The following DOK6 variants were observed in gnomAD, a reference collection of about 807,000 sequenced individuals.
DOK6 encodes the protein downstream of tyrosine kinase 6.
DOK6 carries 22 observed loss-of-function variants against 44.0 expected under a neutral mutation model. The observed-to-expected ratio is 0.50, with a 90% CI of 0.36 to 0.71. The LOEUF is 0.71. Among genes scored for constraint, DOK6 ranks in the 30% least tolerant of loss-of-function variants. The pLI, the probability that DOK6 is intolerant of heterozygous loss-of-function variation, is 0.00. For synonymous variants in DOK6, 166 were observed against 145.5 expected, an observed-to-expected ratio of 1.14 and a Z score of -1.01; for missense variants, 340 against 416.4, an observed-to-expected ratio of 0.82 and a Z score of 1.60.
At chr18:69,810,518 G>T (rs1354485653) in intron 7 of DOK6, among the ~76,000 whole-genome samples, 1 of 151,984 alleles carries the variant, frequency 6.6e-6, no homozygotes, top group South Asian at 2.1e-4. Flanking sequence ...ACAATCAACA[G>T]TGTGGAGAGA....
chr18:69,821,585 G>A (rs1422646945), intron 7 of DOK6, among the ~76,000 whole-genome samples: 1 of 152,044 alleles, frequency 6.6e-6, no homozygotes, highest in Non-Finnish European at 1.5e-5. Flanking sequence ...GCAAATCTTT[G>A]AGAACAATTT....
At chr18:69,425,820 G>T in intron 1 of DOK6, among the ~76,000 whole-genome samples, 1 of 151,866 alleles carries the variant, frequency 6.6e-6, no homozygotes. Context: ...TCTGTATATT[G>T]AGTTGAAATA....
intron 5 of DOK6, among the ~76,000 whole-genome samples, chr18:69,706,173 G>A (rs1277570903): frequency 6.6e-6 from 1 of 152,170 alleles, no homozygotes; most frequent in Non-Finnish European, 1.5e-5. Flanking sequence ...TTTATGACAA[G>A]AGACAGTTTT....
intron 1 of DOK6, among the ~76,000 whole-genome samples, chr18:69,507,365 G>A (rs1361905623): frequency 6.6e-6 from 1 of 151,942 alleles, no homozygotes; most frequent in East Asian, 1.9e-4. Flanking sequence ...ATATCTAGTA[G>A]TCCAAGTTTC....
At chr18:69,791,138 T>G (rs1980583822) in intron 7 of DOK6, among the ~76,000 whole-genome samples, 1 of 152,194 alleles carries the variant, frequency 6.6e-6, no homozygotes, top group Non-Finnish European at 1.5e-5. Flanking sequence ...GAATATGTCT[T>G]TATCCATTTG....
chr18:69,556,972 C>T (rs1317286898), intron 1 of DOK6, among the ~76,000 whole-genome samples: 1 of 152,154 alleles, frequency 6.6e-6, no homozygotes, highest in African/African-American at 2.4e-5. Context: ...ATAGCATAAA[C>T]CTGTAAATAA....
intron 3 of DOK6, among the ~76,000 whole-genome samples, chr18:69,635,827 T>C (rs915304552): frequency 6.6e-6 from 1 of 152,200 alleles, no homozygotes; most frequent in African/African-American, 2.4e-5. Flanking sequence ...GGGGGTTTCT[T>C]TGGATTTTGG....
At chr18:69,448,085 G>T (rs189255145) in intron 1 of DOK6, among the ~76,000 whole-genome samples, 20 of 152,290 alleles carry the variant, frequency 1.3e-4, no homozygotes, top group African/African-American at 4.6e-4. Flanking sequence ...AAGGAGTGTG[G>T]TCTGCTGCTG....
chr18:69,782,153 G>C (rs189062547), intron 7 of DOK6, among the ~76,000 whole-genome samples: 223 of 151,136 alleles, frequency 1.5e-3, no homozygotes, highest in African/African-American at 5.2e-3. Flanking sequence ...TTTTTTTTCT[G>C]TCAGTGACCA....
chr18:69,765,896 T>A (rs1023119189), intron 7 of DOK6, among the ~76,000 whole-genome samples: 6 of 152,154 alleles, frequency 3.9e-5, no homozygotes, highest in Non-Finnish European at 8.8e-5. Flanking sequence ...TCAATAATTA[T>A]TAACTATTAT....
At chr18:69,709,087 T>C (rs1255886975) in intron 5 of DOK6, among the ~76,000 whole-genome samples, 2 of 152,200 alleles carry the variant, frequency 1.3e-5, no homozygotes, top group Non-Finnish European at 2.9e-5. Context: ...ATCACTGCTT[T>C]GTCCTTATTT....
At chr18:69,740,294 C>G (rs1978759208) in intron 6 of DOK6, among the ~76,000 whole-genome samples, 1 of 152,168 alleles carries the variant, frequency 6.6e-6, no homozygotes, top group African/African-American at 2.4e-5. Flanking sequence ...ATTATCTAAT[C>G]AACGTGATGT....
At chr18:69,725,461 G>A (rs1978301450) in intron 5 of DOK6, among the ~76,000 whole-genome samples, 1 of 152,156 alleles carries the variant, frequency 6.6e-6, no homozygotes, top group African/African-American at 2.4e-5. Context: ...CACCTAAAAA[G>A]TGTGTTCATT....
At chr18:69,758,765 A>G (rs1979444320) in intron 7 of DOK6, among the ~76,000 whole-genome samples, 1 of 152,358 alleles carries the variant, frequency 6.6e-6, no homozygotes, top group East Asian at 1.9e-4. Context: ...TGGGGAAAGT[A>G]TGACCAAGTA....
At chr18:69,510,013 G>A (rs1320605975) in intron 1 of DOK6, among the ~76,000 whole-genome samples, 3 of 152,142 alleles carry the variant, frequency 2.0e-5, no homozygotes, top group South Asian at 2.1e-4. Context: ...CAATGTTGCC[G>A]CATACAAGAC....
chr18:69,639,150 A>T (rs1984880598), intron 3 of DOK6, among the ~76,000 whole-genome samples: 1 of 152,224 alleles, frequency 6.6e-6, no homozygotes, highest in African/African-American at 2.4e-5. Context: ...GTTAGGAAAA[A>T]CAGATGAACC....
chr18:69,832,986 A>AC (rs1255672584), intron 7 of DOK6, among the ~76,000 whole-genome samples: 2 of 152,092 alleles, frequency 1.3e-5, no homozygotes, highest in East Asian at 3.9e-4. Flanking sequence ...TGTCCATACT[A>AC]CCCAAAGCAA....
intron 4 of DOK6, among the ~76,000 whole-genome samples, chr18:69,678,460 T>A (rs1985973898): frequency 6.6e-6 from 1 of 152,206 alleles, no homozygotes; most frequent in Non-Finnish European, 1.5e-5. Flanking sequence ...CTTGGAGACT[T>A]ATTATAGATT....
chr18:69,565,219 T>C (rs1982939934), intron 2 of DOK6, among the ~76,000 whole-genome samples: 1 of 152,196 alleles, frequency 6.6e-6, no homozygotes, highest in Non-Finnish European at 1.5e-5. Context: ...TCAAGAGTTG[T>C]AGAACAGTGT....
Sources: allele counts gnomAD v4.1 joint callset (sites outside exome capture counted in the v4.1 genomes callset), GRCh38; gene constraint gnomAD v4.1.1; transcripts MANE v1.5; gene names NCBI Gene and HGNC (gene_info 2026-07-23, HGNC 2026-07-21).